The following SAMMSON variants were observed in gnomAD, a reference collection of about 807,000 sequenced individuals.
The protein encoded by SAMMSON is long intergenic non-protein coding RNA 1212.
intron 1 of SAMMSON, among the ~76,000 whole-genome samples, chr3:70,000,219 A>T (rs1241772929): frequency 6.6e-6 from 1 of 152,124 alleles, no homozygotes. Context: ...AGTCAGCCCT[A>T]GACACTGTCG....
At chr3:70,275,997 C>A (rs1306281035) in intron 6 of SAMMSON, among the ~76,000 whole-genome samples, 1 of 151,856 alleles carries the variant, frequency 6.6e-6, no homozygotes, top group African/African-American at 2.4e-5. Context: ...TATTCCCCCA[C>A]AATAAACTTT....
intron 6 of SAMMSON, among the ~76,000 whole-genome samples, chr3:70,266,155 A>G (rs1476832992): frequency 6.6e-6 from 1 of 152,222 alleles, no homozygotes; most frequent in African/African-American, 2.4e-5. Context: ...AGCCTTAAGC[A>G]GAATGTTGCT....
At chr3:70,293,971 C>T (rs1218978937) in intron 7 of SAMMSON, among the ~76,000 whole-genome samples, 3 of 151,994 alleles carry the variant, frequency 2.0e-5, no homozygotes, top group Non-Finnish European at 4.4e-5. Context: ...CAAGCAGAAG[C>T]TCAAGCTATC....
At chr3:70,201,682 C>T (rs1701240760) in intron 4 of SAMMSON, among the ~76,000 whole-genome samples, 1 of 152,198 alleles carries the variant, frequency 6.6e-6, no homozygotes, top group African/African-American at 2.4e-5. Context: ...AACTAGGAAT[C>T]CAACCTGCCT....
chr3:70,198,920 T>C (rs1701208045), intron 4 of SAMMSON, among the ~76,000 whole-genome samples: 1 of 152,206 alleles, frequency 6.6e-6, no homozygotes, highest in Non-Finnish European at 1.5e-5. Context: ...GTTTCAACTA[T>C]GCTTTTCTGA....
chr3:70,356,907 A>T (rs1028404175), intron 8 of SAMMSON, among the ~76,000 whole-genome samples: 1 of 152,158 alleles, frequency 6.6e-6, no homozygotes, highest in Non-Finnish European at 1.5e-5. Flanking sequence ...AATTACTGTG[A>T]TAAGTACTTT....
chr3:70,136,136 T>C (rs573856987), intron 4 of SAMMSON, among the ~76,000 whole-genome samples: 2 of 152,338 alleles, frequency 1.3e-5, no homozygotes, highest in Middle Eastern at 3.4e-3. Flanking sequence ...TTGGTGAATA[T>C]GTCTGGGGAA....
At position 70,126,838 on chromosome 3, in the gene SAMMSON, C is replaced by T. The variant is rs149580713; in HGVS notation, n.507+55273C>T. ...TCAAGCGATCCTCCCACCTCAGCCT[C>T]CCAAGTAGCTGGGATTACAAGCATG... On this transcript the variant is annotated intron_variant and non_coding_transcript_variant, in intron 4 of 9. Coordinates refer to ENST00000642114, the Ensembl canonical transcript of SAMMSON. 1,252 of 159,482 alleles carry T rather than the reference C, an allele frequency of 7.9e-3. 6 individuals are homozygous for T. The highest frequency in any genetic ancestry group is 0.012 in the Non-Finnish European group (901 of 73,338). The allele number at this position is 159,482 out of a possible 1,614,324, so 9.9% of individuals were successfully genotyped here.
intron 6 of SAMMSON, among the ~76,000 whole-genome samples, chr3:70,281,338 T>C (rs1180796583): frequency 2.0e-5 from 3 of 152,146 alleles, no homozygotes; most frequent in African/African-American, 7.2e-5. Context: ...TTATCCATTC[T>C]CTCTCAACTT....
chr3:70,221,155 G>C (rs941167972), intron 4 of SAMMSON, among the ~76,000 whole-genome samples: 2 of 152,070 alleles, frequency 1.3e-5, no homozygotes, highest in African/African-American at 4.8e-5. Flanking sequence ...TTTAGATGTG[G>C]AATAAACCGT....
At chr3:70,304,143 A>T (rs753449430) in intron 7 of SAMMSON, among the ~76,000 whole-genome samples, 8 of 151,916 alleles carry the variant, frequency 5.3e-5, no homozygotes, top group Non-Finnish European at 1.2e-4. Flanking sequence ...AGCTCTCTAC[A>T]CTCATGGAAT....
chr3:70,037,122 A>G (rs1050512175), intron 3 of SAMMSON, among the ~76,000 whole-genome samples: 11 of 151,764 alleles, frequency 7.2e-5, no homozygotes, highest in African/African-American at 2.7e-4. Context: ...ATGGGAGTCT[A>G]TGATATTCAT....
chr3:70,047,439 C>T (rs2067131193), intron 3 of SAMMSON, among the ~76,000 whole-genome samples: 2 of 151,346 alleles, frequency 1.3e-5, no homozygotes, highest in South Asian at 2.1e-4. Context: ...TGGGTTCAAG[C>T]GATTCTCCTG....
intron 4 of SAMMSON, among the ~76,000 whole-genome samples, chr3:70,156,434 A>G (rs1325366168): frequency 6.6e-6 from 1 of 152,046 alleles, no homozygotes; most frequent in African/African-American, 2.4e-5. Context: ...AGGCAAGGTC[A>G]GGAAACTGCT....
At chr3:70,324,155 CTA>C (rs952459667) in intron 7 of SAMMSON, among the ~76,000 whole-genome samples, 11 of 121,650 alleles carry the variant, frequency 9.0e-5, no homozygotes, top group African/African-American at 2.4e-4. Context: ...TTACATCTCT[CTA>C]TCTATCTATC....
chr3:70,252,859 C>T (rs957483359), intron 6 of SAMMSON, among the ~76,000 whole-genome samples: 16 of 151,962 alleles, frequency 1.1e-4, no homozygotes, highest in Admixed American at 2.0e-4. Flanking sequence ...GCAGGCAGAT[C>T]ACCTGAGGTC....
rs138096178 is a variant in SAMMSON at position 70,284,416 on chromosome 3, A to G, written n.675-6763A>G. Reference sequence around the variant, plus strand: ...AAACTTTCTAAAAACAAAAGCAAAAACAAAAAGAGAACCTCTCACTTTGAA... The same window carrying G: ...AAACTTTCTAAAAACAAAAGCAAAAGCAAAAAGAGAACCTCTCACTTTGAA... On this transcript the variant is annotated intron_variant and non_coding_transcript_variant, in intron 6 of 9. Coordinates refer to ENST00000642114, the Ensembl canonical transcript of SAMMSON. Among the ~76,000 whole-genome samples, 58 of 152,290 alleles carry G rather than the reference A, an allele frequency of 3.8e-4. No individual in the cohort carries two copies. The East Asian group carries it at 0.01, about 26-fold the overall frequency.
intron 6 of SAMMSON, among the ~76,000 whole-genome samples, chr3:70,257,343 G>A (rs961387391): frequency 1.3e-5 from 2 of 152,070 alleles, no homozygotes; most frequent in Admixed American, 1.3e-4. Context: ...TTGGATCATG[G>A]GTTTTAAGGA....
chr3:70,171,258 G>T (rs150152723), intron 4 of SAMMSON, among the ~76,000 whole-genome samples: 1,645 of 151,824 alleles, frequency 0.011, 23 homozygotes, highest in Non-Finnish European at 0.017. Flanking sequence ...AGTGGAATTT[G>T]TCTATCAAAG....
Sources: allele counts gnomAD v4.1 joint callset (sites outside exome capture counted in the v4.1 genomes callset), GRCh38; gene constraint gnomAD v4.1.1; transcripts MANE v1.5; gene names NCBI Gene and HGNC (gene_info 2026-07-23, HGNC 2026-07-21).